The following OSTM1 variants were observed in gnomAD, a reference collection of about 807,000 sequenced individuals.
OSTM1 encodes the protein osteopetrosis-associated transmembrane protein 1.
Under a neutral mutation model 35.4 loss-of-function variants are expected in OSTM1, and 26 were observed. That is an observed-to-expected ratio of 0.73 (90% CI 0.54 to 1.02). The LOEUF (loss-of-function observed/expected upper bound fraction) is 1.02, where lower values mean the gene tolerates loss of function less well. Among genes scored for constraint, OSTM1 ranks in the 50% least tolerant of loss-of-function variants. OSTM1 has a pLI of 0.00. For synonymous variants in OSTM1, 181 were observed against 165.0 expected (o/e 1.10, Z -0.75); for missense variants, 366 against 409.6 (o/e 0.89, Z 0.92).
rs56237735 is a variant in OSTM1, at chr6:108,054,264, T to G, written c.615+226A>C. Among the ~76,000 whole-genome samples, 74,191 of 152,094 alleles carry G rather than the reference T, an allele frequency of 0.49. 23,001 individuals carry two copies. The highest frequency in any genetic ancestry group is 0.87 in the African/African-American group (35,916 of 41,506). ...ACCAGATTCTCATTACAAAATACTT[T>G]AAGATAGGCAGGATAGATATTATCT... On this transcript the variant is annotated intron_variant, in intron 3 of 5. Coordinates refer to ENST00000193322, the MANE Select transcript of OSTM1 (RefSeq NM_014028.4).
chr6:108,067,792 T>C (rs1772404531), intron 1 of OSTM1, among the ~76,000 whole-genome samples: 1 of 130,646 alleles, frequency 7.7e-6, no homozygotes, highest in Non-Finnish European at 1.5e-5. Flanking sequence ...GATTGTGCCA[T>C]GCACTCCAGC....
At chr6:108,067,669 A>G (rs1365668071) in intron 1 of OSTM1, among the ~76,000 whole-genome samples, 5 of 151,834 alleles carry the variant, frequency 3.3e-5, no homozygotes. Context: ...CATCTCTACT[A>G]AAAGTATAAA....
At chr6:108,072,651 A>G (rs192620515) in intron 1 of OSTM1, among the ~76,000 whole-genome samples, 24 of 136,294 alleles carry the variant, frequency 1.8e-4, no homozygotes, top group Non-Finnish European at 2.4e-4. Context: ...AAAAAAGAAA[A>G]AAGAAAAAAA....
chr6:108,064,652 G>C (rs1562375162), intron 1 of OSTM1, among the ~76,000 whole-genome samples: 1 of 151,890 alleles, frequency 6.6e-6, no homozygotes, highest in African/African-American at 2.4e-5. Context: ...CCTTTCCTTC[G>C]TGCCCCAAGC....
chr6:108,067,791 A>G (rs1772404491), intron 1 of OSTM1, among the ~76,000 whole-genome samples: 1 of 142,228 alleles, frequency 7.0e-6, no homozygotes, highest in South Asian at 2.2e-4. Flanking sequence ...AGATTGTGCC[A>G]TGCACTCCAG....
intron 2 of OSTM1, among the ~76,000 whole-genome samples, chr6:108,061,672 T>C (rs907410560): frequency 6.6e-6 from 1 of 151,912 alleles, no homozygotes; most frequent in African/African-American, 2.4e-5. Flanking sequence ...ACTATAGGCA[T>C]TTGCCACCAT....
At chr6:108,052,124 T>G (rs1001527087) in intron 3 of OSTM1, among the ~76,000 whole-genome samples, 3 of 152,148 alleles carry the variant, frequency 2.0e-5, no homozygotes, top group Non-Finnish European at 2.9e-5. Context: ...CACAGAACAA[T>G]TGTGCACTTA....
At chr6:108,049,918 T>G (rs1181519011) in intron 4 of OSTM1, among the ~76,000 whole-genome samples, 4 of 152,216 alleles carry the variant, frequency 2.6e-5, no homozygotes, top group East Asian at 1.9e-4. Context: ...GCTGTGATAA[T>G]TCACACATTC....
At chr6:108,066,723 A>T (rs990580241) in intron 1 of OSTM1, among the ~76,000 whole-genome samples, 4 of 152,194 alleles carry the variant, frequency 2.6e-5, no homozygotes, top group African/African-American at 9.7e-5. Flanking sequence ...TTTGGCCTTG[A>T]TGGGGAGATA....
rs1772562151 is a variant in OSTM1, at chr6:108,074,660, T to C, written c.-9A>G. ...GTCGGGCCCGGCTCCATCACCGGGC[T>C]CACACACCCCAGGGAGCCCACCGCC... is the stretch of plus-strand genomic sequence containing the variant. On this transcript the variant is annotated 5_prime_UTR_variant, in exon 1 of 6. Transcript: ENST00000193322. 2 of 1,540,052 alleles carry C rather than the reference T, an allele frequency of 1.3e-6. No homozygotes were observed. Among genetic ancestry groups the C allele is most frequent in the Non-Finnish European group, 1.7e-6 (2 of 1,149,710 alleles).
chr6:108,074,581 A>G lies in OSTM1; in HGVS notation c.71T>C (p.Leu24Pro). The change falls in exon 1 of 6, where the codon CTG (leucine) becomes CCG (proline). Residue 24 changes from leucine to proline, a missense_variant. Leu to Pro is a moderately conservative substitution (Grantham distance 98). Coordinates refer to ENST00000193322, the MANE Select transcript of OSTM1 (RefSeq NM_014028.4). ...CGCGCCCAGGGCCAGCCCCGACCAC[A>G]GCAGCAGCCCCAGCGGCAGCCACGG... ...LPPWLPLGLLLWSGLALGALP... is the reference protein window; with the variant it reads ...LPPWLPLGLLPWSGLALGALP... 1 of 1,566,020 alleles carries G rather than the reference A, an allele frequency of 6.4e-7. No individual in the cohort carries two copies. Among genetic ancestry groups the G allele is most frequent in the Non-Finnish European group, 8.6e-7 (1 of 1,159,810 alleles).
At chr6:108,050,947 C>T in intron 4 of OSTM1, 84 bp downstream of exon 4, 1 of 1,146,926 alleles carries the variant, frequency 8.7e-7, no homozygotes, top group Non-Finnish European at 1.3e-6. Context: ...CAGATTCCAC[C>T]CTATCACCAA....
At chr6:108,052,454 G>A (rs1238887213) in intron 3 of OSTM1, among the ~76,000 whole-genome samples, 1 of 144,418 alleles carries the variant, frequency 6.9e-6, no homozygotes, top group Non-Finnish European at 1.5e-5. Context: ...AAAAAATTGA[G>A]CACATAATCC....
At position 108,042,723 on chromosome 6, in the gene OSTM1, T is replaced by C. The variant is rs1370409916; in HGVS notation, c.*2062A>G. On this transcript the variant is annotated 3_prime_UTR_variant, in exon 6 of 6. Transcript: ENST00000193322. ...CACTGTGTCCAGCTGATGGTACTCA[T>C]AAAAGTAGGCATCTAAACTCAATAC... 1 of 152,156 alleles carries C rather than the reference T, an allele frequency of 6.6e-6. No homozygotes were observed. The highest frequency in any genetic ancestry group is 1.5e-5 in the Non-Finnish European group (1 of 68,024). 9.4% of individuals were successfully genotyped at this position (152,156 alleles called of 1,614,324 possible). A position where few individuals can be genotyped will look rare whatever the true frequency, so the allele number is the denominator to read the frequency against.
intron 1 of OSTM1, among the ~76,000 whole-genome samples, chr6:108,071,855 T>C (rs1048142350): frequency 3.9e-5 from 6 of 151,986 alleles, no homozygotes; most frequent in African/African-American, 1.5e-4. Context: ...TCAGGGTGAG[T>C]TGAGCTGGGT....
chr6:108,060,401 G>A (rs933941033), intron 2 of OSTM1, among the ~76,000 whole-genome samples: 3 of 152,124 alleles, frequency 2.0e-5, no homozygotes, highest in African/African-American at 4.8e-5. Context: ...TCTGTACTTC[G>A]AATTAGTGAA....
At chr6:108,051,582 C>T (rs1049628803) in intron 3 of OSTM1, among the ~76,000 whole-genome samples, 3 of 152,052 alleles carry the variant, frequency 2.0e-5, no homozygotes, top group African/African-American at 7.2e-5. Context: ...CATCACAAAC[C>T]CTCACTTATC....
intron 1 of OSTM1, among the ~76,000 whole-genome samples, chr6:108,072,606 C>A (rs1473989008): frequency 7.0e-6 from 1 of 142,614 alleles, no homozygotes. Context: ...GAACTCCATC[C>A]AGCCTGGGCA....
chr6:108,055,808 T>C (rs930020961), intron 2 of OSTM1, among the ~76,000 whole-genome samples: 2 of 152,108 alleles, frequency 1.3e-5, no homozygotes, highest in Non-Finnish European at 2.9e-5. Context: ...ATGATCCTTG[T>C]AGATGCCCTC....
Sources: gnomAD v4.1 joint callset for allele counts (sites outside exome capture counted in the v4.1 genomes callset) on GRCh38, gnomAD v4.1.1 for gene constraint, MANE v1.5 for transcripts, NCBI Gene and HGNC (gene_info 2026-07-23, HGNC 2026-07-21) for gene names.